Variants in LEPROTL1 observed in about 807,000 individuals in gnomAD.
LEPROTL1 encodes the protein leptin receptor overlapping transcript-like 1.
In LEPROTL1, 6 loss-of-function variants were observed where a neutral mutation model predicts 15.4. The ratio of observed to expected loss-of-function variants is 0.39; its 90% CI spans 0.21 to 0.77. The LOEUF (loss-of-function observed/expected upper bound fraction) is 0.77, where lower values mean the gene tolerates loss of function less well. Ranked by LOEUF, LEPROTL1 falls within the 30% of genes least tolerant of loss-of-function variation. The pLI, the probability that LEPROTL1 is intolerant of heterozygous loss-of-function variation, is 0.41. For missense variants in LEPROTL1, 128 were observed against 158.1 expected, an observed-to-expected ratio of 0.81 and a Z score of 1.02; for synonymous variants, 56 against 52.6, an observed-to-expected ratio of 1.06 and a Z score of -0.28.
downstream of LEPROTL1, chr8:30,137,733 T>G (rs1296211613): frequency 5.6e-6 from 3 of 539,708 alleles, no homozygotes; most frequent in African/African-American, 3.8e-5. Context: ...GCTTACAGTT[T>G]AAAACAAAGA....
intron 2 of LEPROTL1, among the ~76,000 whole-genome samples, chr8:30,102,835 C>A (rs1200654916): frequency 3.3e-5 from 5 of 152,038 alleles, no homozygotes; most frequent in African/African-American, 7.2e-5. Context: ...TAAACAAAAT[C>A]TATTGACAAA....
chr8:30,113,552 G>A (rs1802687275), intron 3 of LEPROTL1, among the ~76,000 whole-genome samples: 1 of 152,148 alleles, frequency 6.6e-6, no homozygotes, highest in African/African-American at 2.4e-5. Context: ...AGGACTTGGG[G>A]TGTGGCAGGG....
intron 4 of LEPROTL1, among the ~76,000 whole-genome samples, chr8:30,134,912 C>T (rs562302715): frequency 4.0e-5 from 6 of 148,264 alleles, no homozygotes; most frequent in Admixed American, 6.7e-5. Context: ...CACGGTCTCA[C>T]TCTATCACCC....
At chr8:30,132,381 G>A (rs369625164) in exon 4 of LEPROTL1, 15 of 1,551,770 alleles carry the variant, frequency 9.7e-6, no homozygotes, top group African/African-American at 8.2e-5. Context: ...CCAGGGTCCA[G>A]ATGTCTGCAT....
intron 4 of LEPROTL1, among the ~76,000 whole-genome samples, chr8:30,133,903 C>A (rs1187170368): frequency 6.6e-6 from 1 of 152,032 alleles, no homozygotes; most frequent in Non-Finnish European, 1.5e-5. Flanking sequence ...AGAGAGGGTT[C>A]TCAATGCTTG....
rs113091423 is a variant in LEPROTL1 at position 30,135,336 on chromosome 8, C to T, written c.395-1936C>T. Among the ~76,000 whole-genome samples, 1,219 of 152,184 alleles carry T rather than the reference C, an allele frequency of 8.0e-3. 9 individuals carry two copies. Among genetic ancestry groups the T allele is most frequent in the Non-Finnish European group, 0.014 (954 of 68,008 alleles). On this transcript the variant is annotated intron_variant, in intron 4 of 4. Coordinates refer to the LEPROTL1 transcript ENST00000442880. ...GTGGGAAATGTTGATTATAATATTT[C>T]CAAGAAAGGCCTACAAAGATTAGGA... is the stretch of plus-strand genomic sequence containing the variant.
At chr8:30,121,200 G>A (rs1802823661) in intron 3 of LEPROTL1, among the ~76,000 whole-genome samples, 1 of 151,930 alleles carries the variant, frequency 6.6e-6, no homozygotes, top group African/African-American at 2.4e-5. Flanking sequence ...TACATATTGT[G>A]TTTTGTGTGT....
intron 3 of LEPROTL1, among the ~76,000 whole-genome samples, chr8:30,118,126 G>C (rs1380867175): frequency 6.7e-6 from 1 of 149,100 alleles, no homozygotes; most frequent in African/African-American, 2.5e-5. Flanking sequence ...CTGGGTTCAA[G>C]GGATTCTCCT....
At chr8:30,116,172 A>T (rs1176249820) in intron 3 of LEPROTL1, among the ~76,000 whole-genome samples, 1 of 152,118 alleles carries the variant, frequency 6.6e-6, no homozygotes, top group African/African-American at 2.4e-5. Flanking sequence ...GCCTTGAGGT[A>T]GAGGCTGCAG....
chr8:30,102,608 C>T (rs536731220), intron 2 of LEPROTL1, among the ~76,000 whole-genome samples: 13 of 150,472 alleles, frequency 8.6e-5, no homozygotes, highest in East Asian at 5.8e-4. Context: ...GCCAAGATCA[C>T]GCCACTGCAC....
At chr8:30,132,388 GCAT>G in exon 4 of LEPROTL1, 1 of 1,551,764 alleles carries the variant, frequency 6.4e-7, no homozygotes. Context: ...CCAGATGTCT[GCAT>G]CGGGGACATA....
chr8:30,095,551 G>C (rs1358912073), intron 1 of LEPROTL1, 23 bp downstream of exon 1: 10 of 1,386,260 alleles, frequency 7.2e-6, no homozygotes, highest in South Asian at 1.6e-5. Flanking sequence ...TGCAGGACGC[G>C]GGAGGGCTGG....
chr8:30,135,171 C>T (rs769304935), intron 4 of LEPROTL1, among the ~76,000 whole-genome samples: 32 of 151,536 alleles, frequency 2.1e-4, no homozygotes, highest in East Asian at 1.2e-3. Flanking sequence ...GGATTATAGG[C>T]GTGAGCCACT....
chr8:30,123,056 A>G (rs1005275291), intron 3 of LEPROTL1, among the ~76,000 whole-genome samples: 2 of 152,158 alleles, frequency 1.3e-5, no homozygotes, highest in Non-Finnish European at 2.9e-5. Flanking sequence ...CATAGCTGGC[A>G]ATTGGTGCTG....
At chr8:30,121,278 A>G (rs1243971858) in intron 3 of LEPROTL1, among the ~76,000 whole-genome samples, 1 of 148,808 alleles carries the variant, frequency 6.7e-6, no homozygotes, top group Non-Finnish European at 1.5e-5. Context: ...TTTGAGATGG[A>G]CTCTCACTCT....
intron 1 of LEPROTL1, among the ~76,000 whole-genome samples, chr8:30,100,869 C>G (rs77382548): frequency 1.6e-3 from 235 of 144,112 alleles, no homozygotes; most frequent in African/African-American, 5.8e-3. Flanking sequence ...GTGTGTGTGT[C>G]TGTGTGTGCG....
At chr8:30,135,947 G>T (rs1389228563) in intron 4 of LEPROTL1, among the ~76,000 whole-genome samples, 4 of 148,872 alleles carry the variant, frequency 2.7e-5, no homozygotes, top group Admixed American at 6.7e-5. Context: ...AAATTACAAT[G>T]ACACACTCTA....
chr8:30,101,531 G>A (rs1038549087), intron 1 of LEPROTL1, among the ~76,000 whole-genome samples: 3 of 152,056 alleles, frequency 2.0e-5, no homozygotes, highest in Admixed American at 2.0e-4. Context: ...ACAGGATGTG[G>A]TAGTGCATTC....
chr8:30,102,475 A>AC (rs1235195126), intron 2 of LEPROTL1, among the ~76,000 whole-genome samples: 1 of 151,916 alleles, frequency 6.6e-6, no homozygotes, highest in Non-Finnish European at 1.5e-5. Flanking sequence ...ACATGGTGAA[A>AC]CCCCATCTCT....
Sources: gnomAD v4.1 joint callset for allele counts (sites outside exome capture counted in the v4.1 genomes callset) on GRCh38, gnomAD v4.1.1 for gene constraint, MANE v1.5 for transcripts, NCBI Gene and HGNC (gene_info 2026-07-23, HGNC 2026-07-21) for gene names.